UTRN: variants seen among roughly 807,000 people sequenced by gnomAD.
The protein encoded by UTRN is utrophin.
In UTRN, 283 loss-of-function variants were observed where a neutral mutation model predicts 463.9. The ratio of observed to expected loss-of-function variants is 0.61; its 90% CI spans 0.55 to 0.67. UTRN has a LOEUF of 0.67. Among genes scored for constraint, UTRN ranks in the 30% least tolerant of loss-of-function variants. The pLI is 0.00. For synonymous variants in UTRN, 1,442 were observed against 1,431.5 expected (o/e 1.01, Z -0.17); for missense variants, 3,922 against 4,084.3 (o/e 0.96, Z 1.08).
chr6:144,736,576 T>C (rs953074787), intron 54 of UTRN, among the ~76,000 whole-genome samples: 1 of 152,194 alleles, frequency 6.6e-6, no homozygotes, highest in Non-Finnish European at 1.5e-5. Context: ...ACCAATCTTA[T>C]GCTAGGCCTA....
chr6:144,404,718 T>C (rs1783230665), intron 3 of UTRN, among the ~76,000 whole-genome samples: 1 of 152,202 alleles, frequency 6.6e-6, no homozygotes, highest in African/African-American at 2.4e-5. Flanking sequence ...ACTTTTTACC[T>C]ATTTATGAAA....
intron 33 of UTRN, among the ~76,000 whole-genome samples, chr6:144,495,248 G>A (rs1483642970): frequency 5.9e-5 from 9 of 152,326 alleles, no homozygotes; most frequent in African/African-American, 1.7e-4. Flanking sequence ...CATGGAGGGG[G>A]TGGGAGGCTC....
At chr6:144,437,329 G>C (rs1447273972) in intron 10 of UTRN, among the ~76,000 whole-genome samples, 6 of 152,076 alleles carry the variant, frequency 3.9e-5, no homozygotes, top group Non-Finnish European at 8.8e-5. Flanking sequence ...AAAATAGCTG[G>C]TATTATCAGA....
Position 144,835,878 on chromosome 6 carries a change from T to A in UTRN, c.9764T>A (p.Val3255Glu). ...AGCCCAGCTCAGATCCTGAAGTCAG[T>A]AGAGAGGGAAGAACGTGGAGAACTG... Reference protein sequence around the residue: ...PQSPAQILKSVEREERGELER... With the variant: ...PQSPAQILKSEEREERGELER... Residue 3255 changes from valine (V) to glutamate (E), a missense_variant, in exon 70 of 75, where the codon GTA becomes GAA. Val to Glu is a moderately radical substitution (Grantham distance 121). Around this residue, in one of 3 missense-constraint regions of UTRN, gnomAD observed 1,309 missense variants for 1,452.6 expected, o/e 0.90. Coordinates refer to ENST00000367545, the MANE Select transcript of UTRN (RefSeq NM_007124.3). 1.2e-6 allele frequency: 2 copies of A among 1,614,004 alleles called. No individual in the cohort carries two copies. The highest frequency in any genetic ancestry group is 1.7e-6 in the Non-Finnish European group (2 of 1,179,960).
In UTRN at chr6:144,514,837, T is replaced by C. The variant is rs767018946; in HGVS notation, c.5244+17T>C. On this transcript the variant is annotated intron_variant, in intron 37 of 74. Coordinates refer to ENST00000367545, the MANE Select transcript of UTRN (RefSeq NM_007124.3). ...AGTGCCAAAGTGAGTAATTATGCTT[T>C]TAGAGTAAACCATTTTTCCTATGGG... 3 of 1,607,510 alleles carry C rather than the reference T, an allele frequency of 1.9e-6. No individual in the cohort carries two copies. Among genetic ancestry groups the C allele is most frequent in the Middle Eastern group, 3.3e-4 (2 of 6,004 alleles).
At chr6:144,544,936 T>C (rs1052707396) in intron 46 of UTRN, among the ~76,000 whole-genome samples, 2 of 152,106 alleles carry the variant, frequency 1.3e-5, no homozygotes, top group Non-Finnish European at 2.9e-5. Context: ...AGCATGTAGC[T>C]CTAGTCTACT....
intron 25 of UTRN, among the ~76,000 whole-genome samples, chr6:144,479,114 GTTTTTTTTTTT>G (rs36044387): frequency 8.7e-6 from 1 of 114,786 alleles, no homozygotes; most frequent in Non-Finnish European, 1.8e-5. Flanking sequence ...GCTTCTAGGG[GTTTTTTTTTTT>G]TTTTTTTTTT....
intron 58 of UTRN, among the ~76,000 whole-genome samples, chr6:144,771,489 G>A (rs888638163): frequency 3.3e-5 from 5 of 151,852 alleles, no homozygotes; most frequent in African/African-American, 4.8e-5. Flanking sequence ...GCAGTGAAAC[G>A]ATCTCGGCTC....
In UTRN at chr6:144,850,986, T is replaced by C. The variant is rs765659096; in HGVS notation, c.10294-3T>C. 8 of 1,613,624 alleles carry C rather than the reference T, an allele frequency of 5.0e-6. No individual in the cohort carries two copies. In the South Asian group the frequency reaches 5.5e-5, roughly 11 times the overall value. On this transcript the variant is annotated splice_region_variant and splice_polypyrimidine_tract_variant and intron_variant, in intron 74 of 74. Coordinates refer to ENST00000367545, the MANE Select transcript of UTRN (RefSeq NM_007124.3). ...CTGACAGTGCTATTTTCCCTTCCCA[T>C]AGGCAATGTGAAGTATTCATCCGGC...
At chr6:144,512,388 G>A (rs2128591052) in intron 35 of UTRN, among the ~76,000 whole-genome samples, 1 of 152,000 alleles carries the variant, frequency 6.6e-6, no homozygotes, top group East Asian at 1.9e-4. Context: ...GCTTAATAGG[G>A]GTAAACAAGT....
Position 144,474,763 on chromosome 6 carries a change from A to T in UTRN, c.3336+4A>T. The T allele has an allele frequency of 6.2e-7, 1 of 1,611,336 alleles. No individual in the cohort carries two copies. Among genetic ancestry groups the T allele is most frequent in the Non-Finnish European group, 8.5e-7 (1 of 1,179,204 alleles). ...ACTGGAGAAACTTAGCAAGGAGGTG[A>T]GTTTTTCAACTTTACTACCTACGGT... On this transcript the variant is annotated splice_donor_region_variant and intron_variant, in intron 25 of 74. Coordinates refer to ENST00000367545, the MANE Select transcript of UTRN (RefSeq NM_007124.3).
At chr6:144,621,704 C>T in intron 51 of UTRN, among the ~76,000 whole-genome samples, 1 of 152,142 alleles carries the variant, frequency 6.6e-6, no homozygotes, top group East Asian at 1.9e-4. Flanking sequence ...GTCAGACTCT[C>T]CTTATACCTC....
chr6:144,328,074 C>T (rs7752316), intron 2 of UTRN, among the ~76,000 whole-genome samples: 12 of 151,978 alleles, frequency 7.9e-5, no homozygotes, highest in Admixed American at 1.3e-4. Flanking sequence ...TAATACATTC[C>T]GCAACCCCAC....
intron 2 of UTRN, among the ~76,000 whole-genome samples, chr6:144,327,187 T>G (rs1273195388): frequency 6.7e-6 from 1 of 149,936 alleles, no homozygotes; most frequent in Non-Finnish European, 1.5e-5. Context: ...AGGGAGGGGG[T>G]GAAGGAGAGG....
chr6:144,422,000 G>A lies in UTRN; in HGVS notation c.234+30G>A, dbSNP rs371821214. The A allele has an allele frequency of 4.2e-5, 66 of 1,581,294 alleles. No homozygotes were observed. In the African/African-American group the frequency reaches 7.4e-4, roughly 18 times the overall value. The stretch of plus-strand genomic sequence containing the variant: ...GCAAGTCATCTTTGTAAACAACGGA[G>A]TCTCCGGTCATTGCTGATACTTGAT... On this transcript the variant is annotated intron_variant, in intron 4 of 74. Transcript: ENST00000367545.
chr6:144,470,585 G>A (rs1050535147), intron 23 of UTRN, among the ~76,000 whole-genome samples: 6 of 151,944 alleles, frequency 3.9e-5, no homozygotes, highest in African/African-American at 1.5e-4. Context: ...TCCCAGACTG[G>A]GCGGCCGGGC....
intron 60 of UTRN, among the ~76,000 whole-genome samples, chr6:144,775,615 A>T (rs566069442): frequency 6.6e-6 from 1 of 152,314 alleles, no homozygotes; most frequent in East Asian, 1.9e-4. Flanking sequence ...GCAGGAGTCC[A>T]TGGTGACAGC....
At chr6:144,579,121 C>G (rs1297470901) in intron 51 of UTRN, among the ~76,000 whole-genome samples, 2 of 152,174 alleles carry the variant, frequency 1.3e-5, no homozygotes, top group Non-Finnish European at 2.9e-5. Context: ...CTGCTTCTAT[C>G]TTATTCATTG....
At chr6:144,403,057 T>G in intron 2 of UTRN, 66 bp from the exon 3 acceptor site, 1 of 1,422,060 alleles carries the variant, frequency 7.0e-7, no homozygotes, top group Admixed American at 1.8e-5. Flanking sequence ...GATAACCTTA[T>G]TTGGTGCTTT....
Sources: gnomAD v4.1 joint callset for allele counts (sites outside exome capture counted in the v4.1 genomes callset) on GRCh38, gnomAD v4.1.1 for gene constraint, gnomAD v4.1.1 regional missense constraint, MANE v1.5 for transcripts, NCBI Gene and HGNC (gene_info 2026-07-23, HGNC 2026-07-21) for gene names.